The following TENM2 variants were observed in gnomAD, a reference collection of about 807,000 sequenced individuals.
The protein encoded by TENM2 is teneurin transmembrane protein 2.
In TENM2, 52 loss-of-function variants were observed where a neutral mutation model predicts 245.2. The observed-to-expected ratio is 0.21, with a 90% CI of 0.17 to 0.27. TENM2 has a LOEUF of 0.27. Ranked by LOEUF, TENM2 falls within the 10% of genes least tolerant of loss-of-function variation. The pLI, the probability that TENM2 is intolerant of heterozygous loss-of-function variation, is 1.00. For missense variants in TENM2, 3,046 were observed against 3,666.8 expected (o/e 0.83, Z 4.37); for synonymous variants, 1,363 against 1,438.9 (o/e 0.95, Z 1.19).
At chr5:167,118,204 A>G in the TENM2 span, among the ~76,000 whole-genome samples, 2 of 152,190 alleles carry the variant, frequency 1.3e-5, no homozygotes, top group Non-Finnish European at 2.9e-5. Flanking sequence ...AGCCCTTTCT[A>G]TATTAGATTA....
At chr5:167,832,713 A>T (rs994778405) in intron 2 of TENM2, among the ~76,000 whole-genome samples, 1 of 151,908 alleles carries the variant, frequency 6.6e-6, no homozygotes, top group African/African-American at 2.4e-5. Context: ...GAAAGGAGGG[A>T]TGGAGGAAGG....
At chr5:167,792,314 C>T (rs888260236) in intron 2 of TENM2, among the ~76,000 whole-genome samples, 26 of 151,940 alleles carry the variant, frequency 1.7e-4, no homozygotes, top group African/African-American at 4.8e-4. Flanking sequence ...TCAGCCATTG[C>T]CTTTGGCTTA....
intron 2 of TENM2, among the ~76,000 whole-genome samples, chr5:167,641,697 C>T (rs1779622076): frequency 6.6e-6 from 1 of 152,180 alleles, no homozygotes; most frequent in African/African-American, 2.4e-5. Context: ...TTAGAACTCA[C>T]TGAACCTGGG....
the TENM2 span, among the ~76,000 whole-genome samples, chr5:167,167,554 T>C: frequency 6.6e-6 from 1 of 152,182 alleles, no homozygotes; most frequent in South Asian, 2.1e-4. Context: ...GAATGACTAC[T>C]CATTTTTCAC....
chr5:168,154,399 T>A (rs1371441115), intron 12 of TENM2, among the ~76,000 whole-genome samples: 1 of 151,934 alleles, frequency 6.6e-6, no homozygotes, highest in Non-Finnish European at 1.5e-5. Context: ...GTATATTTAG[T>A]AGAGACTAAA....
At chr5:167,413,624 C>T (rs1763019585) in intron 2 of TENM2, among the ~76,000 whole-genome samples, 1 of 152,110 alleles carries the variant, frequency 6.6e-6, no homozygotes, top group South Asian at 2.1e-4. Context: ...CATCCGTTTC[C>T]TTCTGAGCAG....
chr5:167,844,215 A>C (rs1769823348), intron 2 of TENM2, among the ~76,000 whole-genome samples: 1 of 152,240 alleles, frequency 6.6e-6, no homozygotes, highest in Admixed American at 6.5e-5. Flanking sequence ...TTGATGTGAA[A>C]AGAGCTCAAC....
chr5:167,799,525 A>G (rs1765554609), intron 2 of TENM2, among the ~76,000 whole-genome samples: 1 of 152,242 alleles, frequency 6.6e-6, no homozygotes, highest in Admixed American at 6.5e-5. Context: ...AAAAACTATT[A>G]CATAAATAAT....
At chr5:167,375,335 G>C (rs1760683400) in exon 2 of TENM2, 1 of 1,551,700 alleles carries the variant, frequency 6.4e-7, no homozygotes, top group African/African-American at 1.4e-5. Flanking sequence ...CACCGAGGGA[G>C]GGATGTCTCC....
chr5:167,876,127 A>T (rs1561886150), exon 3 of TENM2: 1 of 1,551,618 alleles, frequency 6.4e-7, no homozygotes. Context: ...ACCAACCCTG[A>T]TGAGGAATTC....
At chr5:167,686,771 A>T (rs556984454) in intron 2 of TENM2, among the ~76,000 whole-genome samples, 1 of 152,280 alleles carries the variant, frequency 6.6e-6, no homozygotes, top group South Asian at 2.1e-4. Context: ...GACTTAGATG[A>T]ATATGGAACC....
At chr5:167,956,699 T>G (rs1339557454) in intron 4 of TENM2, among the ~76,000 whole-genome samples, 2 of 152,176 alleles carry the variant, frequency 1.3e-5, no homozygotes, top group Non-Finnish European at 2.9e-5. Flanking sequence ...TAAATTTTAT[T>G]GAAGGCCTTT....
At chr5:168,038,869 C>G (rs113914655) in intron 5 of TENM2, among the ~76,000 whole-genome samples, 18 of 152,210 alleles carry the variant, frequency 1.2e-4, no homozygotes, top group African/African-American at 4.3e-4. Flanking sequence ...TAAGGCCCCT[C>G]CTGGCATGTT....
chr5:167,937,341 G>A (rs1390117414), intron 3 of TENM2, among the ~76,000 whole-genome samples: 1 of 152,144 alleles, frequency 6.6e-6, no homozygotes, highest in East Asian at 1.9e-4. Context: ...ATTTTCACGT[G>A]CAGATTTTGG....
the TENM2 span, among the ~76,000 whole-genome samples, chr5:167,030,159 G>A: frequency 1.3e-5 from 2 of 152,198 alleles, no homozygotes; most frequent in Non-Finnish European, 2.9e-5. Flanking sequence ...TCTGTATCAC[G>A]TTTTTCTTCC....
At chr5:168,072,073 T>C (rs897385976) in intron 7 of TENM2, among the ~76,000 whole-genome samples, 12 of 152,196 alleles carry the variant, frequency 7.9e-5, no homozygotes, top group South Asian at 2.1e-4. Flanking sequence ...CTTGGTGATA[T>C]GTTTGATATA....
At chr5:168,223,303 C>T (rs981895516) in intron 23 of TENM2, among the ~76,000 whole-genome samples, 1 of 152,114 alleles carries the variant, frequency 6.6e-6, no homozygotes, top group African/African-American at 2.4e-5. Context: ...AAAATCCTTG[C>T]CCTGGTCCCA....
chr5:167,030,564 G>T, the TENM2 span, among the ~76,000 whole-genome samples: 1 of 152,192 alleles, frequency 6.6e-6, no homozygotes, highest in African/African-American at 2.4e-5. Context: ...ATGCAGATTT[G>T]CTCTTTTCCT....
chr5:167,432,529 AT>A (rs1011057118), intron 2 of TENM2, among the ~76,000 whole-genome samples: 1 of 151,696 alleles, frequency 6.6e-6, no homozygotes. Context: ...CGCTTATTTT[AT>A]TTTGATTCCA....
Sources: allele counts gnomAD v4.1 joint callset (sites outside exome capture counted in the v4.1 genomes callset), GRCh38; gene constraint gnomAD v4.1.1; transcripts MANE v1.5; gene names NCBI Gene and HGNC (gene_info 2026-07-23, HGNC 2026-07-21).